The following SYNPR variants were observed in gnomAD, a reference collection of about 807,000 sequenced individuals.
SYNPR encodes synaptoporin.
Under a neutral mutation model 32.9 loss-of-function variants are expected in SYNPR, and 23 were observed. The observed-to-expected ratio is 0.70, with a 90% CI of 0.50 to 0.99. The LOEUF is 0.99. Ranked by LOEUF, SYNPR falls within the 50% of genes least tolerant of loss-of-function variation. The probability of loss-of-function intolerance (pLI) is 0.00; values close to 1 mark genes in which losing one functional copy is unlikely to be tolerated. For missense variants in SYNPR, 318 were observed against 349.3 expected (o/e 0.91, Z 0.71); for synonymous variants, 146 against 135.9 (o/e 1.07, Z -0.52).
chr3:63,311,817 A>G (rs889947000), intron 2 of SYNPR, among the ~76,000 whole-genome samples: 5 of 152,194 alleles, frequency 3.3e-5, no homozygotes, highest in Admixed American at 1.3e-4. Flanking sequence ...CATATTAAAC[A>G]TAGTCTTCTA....
At chr3:63,235,549 T>C (rs764091187) in intron 1 of SYNPR, among the ~76,000 whole-genome samples, 15 of 152,166 alleles carry the variant, frequency 9.9e-5, no homozygotes, top group Non-Finnish European at 1.9e-4. Context: ...GATTTGGTCT[T>C]GAGGGGACTC....
the SYNPR span, among the ~76,000 whole-genome samples, chr3:63,210,430 C>A: frequency 2.5e-4 from 38 of 152,354 alleles, 1 homozygote; most frequent in African/African-American, 8.9e-4. Context: ...TGATTTTACA[C>A]AGGACTCTCC....
At chr3:63,467,988 T>C (rs1575659999) in intron 2 of SYNPR, among the ~76,000 whole-genome samples, 1 of 151,130 alleles carries the variant, frequency 6.6e-6, no homozygotes, top group South Asian at 2.1e-4. Context: ...TCACCTGAGG[T>C]TGGGAGTTTG....
intron 2 of SYNPR, among the ~76,000 whole-genome samples, chr3:63,312,224 C>A (rs940499639): frequency 6.6e-6 from 1 of 151,994 alleles, no homozygotes; most frequent in Non-Finnish European, 1.5e-5. Flanking sequence ...TTCTAGACAT[C>A]CCTTTTTGCC....
chr3:63,309,972 G>C (rs2106951610), intron 2 of SYNPR, among the ~76,000 whole-genome samples: 1 of 151,938 alleles, frequency 6.6e-6, no homozygotes, highest in Non-Finnish European at 1.5e-5. Context: ...ACAACAGACT[G>C]TATTTAAAGC....
At chr3:63,453,533 G>A (rs1562859) in intron 2 of SYNPR, among the ~76,000 whole-genome samples, 51,519 of 152,014 alleles carry the variant, frequency 0.34, 9,971 homozygotes, top group African/African-American at 0.53. Context: ...TGAGAATTGA[G>A]TATCTCTCCC....
chr3:63,273,030 A>C (rs955229650), intron 3 of SYNPR, among the ~76,000 whole-genome samples: 3 of 152,156 alleles, frequency 2.0e-5, no homozygotes, highest in African/African-American at 7.2e-5. Flanking sequence ...CTAATGATGA[A>C]AGATAAAAAT....
rs79143809 is a variant in SYNPR at position 63,365,802 on chromosome 3, C to T, written c.84+87060C>T. 8.0e-3 allele frequency among the ~76,000 whole-genome samples: 1,225 copies of T among 152,174 alleles called. 23 individuals are homozygous for T. The highest frequency in any genetic ancestry group is 0.027 in the African/African-American group (1,137 of 41,522). ...GTGTGTAAAATGGGATAGACAAAAACATTCTTTTATTACATTTTCTATTCA... is the reference window on the plus strand; with the variant it reads ...GTGTGTAAAATGGGATAGACAAAAATATTCTTTTATTACATTTTCTATTCA... On this transcript the variant is annotated intron_variant, in intron 2 of 5. Transcript: ENST00000478300.
intron 2 of SYNPR, among the ~76,000 whole-genome samples, chr3:63,369,318 C>T (rs768704956): frequency 8.2e-5 from 12 of 146,932 alleles, no homozygotes; most frequent in Non-Finnish European, 1.5e-4. Context: ...GTTCTGTTGT[C>T]AAAATCATTT....
At position 63,361,014 on chromosome 3, in the gene SYNPR, C is replaced by T. The variant is rs549242569; in HGVS notation, c.84+82272C>T. Among the ~76,000 whole-genome samples the T allele has an allele frequency of 7.5e-4, 114 of 152,220 alleles. 4 individuals carry two copies. The South Asian group carries it at 0.023, about 30-fold the overall frequency. ...TGGCTTCCTGCACGTAATGGACAATCGATAAATATCGGAATAAATTAATGA... is the reference window on the plus strand; with the variant it reads ...TGGCTTCCTGCACGTAATGGACAATTGATAAATATCGGAATAAATTAATGA... On this transcript the variant is annotated intron_variant, in intron 2 of 5. Transcript: ENST00000478300.
At chr3:63,271,111 A>C (rs2086533155) in intron 3 of SYNPR, among the ~76,000 whole-genome samples, 1 of 151,422 alleles carries the variant, frequency 6.6e-6, no homozygotes, top group Non-Finnish European at 1.5e-5. Context: ...TTTCTGGCGA[A>C]GAACCTATGT....
the SYNPR span, among the ~76,000 whole-genome samples, chr3:63,200,662 G>A: frequency 6.6e-6 from 1 of 151,912 alleles, no homozygotes; most frequent in African/African-American, 2.4e-5. Context: ...CAAATACATG[G>A]TGAGATCATG....
chr3:63,364,769 A>G (rs1487421835), intron 2 of SYNPR, among the ~76,000 whole-genome samples: 1 of 152,194 alleles, frequency 6.6e-6, no homozygotes, highest in Non-Finnish European at 1.5e-5. Flanking sequence ...ATGTAAAAAA[A>G]TAGTTGTTTG....
At chr3:63,516,587 C>G (rs1306051660) in intron 3 of SYNPR, among the ~76,000 whole-genome samples, 3 of 152,066 alleles carry the variant, frequency 2.0e-5, no homozygotes, top group Non-Finnish European at 4.4e-5. Flanking sequence ...GAAGTCTCAC[C>G]TTTATTTTAT....
Position 63,615,599 on chromosome 3 carries a change from G to C in SYNPR, c.*118G>C. The C allele has an allele frequency of 7.4e-7, 1 of 1,360,132 alleles. No homozygotes were observed. The highest frequency in any genetic ancestry group is 1.5e-5 in the South Asian group (1 of 65,918). The allele number at this position is 1,360,132 out of a possible 1,614,324, so 84.3% of individuals were successfully genotyped here. A position where few individuals can be genotyped will look rare whatever the true frequency, so the allele number is the denominator to read the frequency against. ...CAGAGAGTATTGAATGTAAATCAGA[G>C]CTCTCTAGTCTTCATTAAGGCAGCA... On this transcript the variant is annotated 3_prime_UTR_variant, in exon 6 of 6. Coordinates refer to ENST00000478300, the MANE Select transcript of SYNPR (RefSeq NM_001130003.2).
chr3:63,262,399 G>T (rs1004482782), intron 2 of SYNPR, among the ~76,000 whole-genome samples: 6 of 152,156 alleles, frequency 3.9e-5, no homozygotes, highest in Admixed American at 1.3e-4. Context: ...GGAGTGGTAG[G>T]GAGAGAAACC....
intron 2 of SYNPR, among the ~76,000 whole-genome samples, chr3:63,466,153 T>C (rs890581021): frequency 6.6e-6 from 1 of 152,196 alleles, no homozygotes; most frequent in Non-Finnish European, 1.5e-5. Context: ...AGTAAGAACA[T>C]GCAGTATTTG....
the SYNPR span, among the ~76,000 whole-genome samples, chr3:63,221,560 T>C: frequency 6.6e-6 from 1 of 152,124 alleles, no homozygotes; most frequent in Admixed American, 6.6e-5. Flanking sequence ...TTGGCCCAGG[T>C]GTCTCCTATG....
chr3:63,450,448 G>A (rs1700358113), intron 2 of SYNPR, among the ~76,000 whole-genome samples: 3 of 152,186 alleles, frequency 2.0e-5, no homozygotes, highest in Admixed American at 6.5e-5. Flanking sequence ...GGTACAAAAG[G>A]AAGATAACAG....
Sources: gnomAD v4.1 joint callset for allele counts (sites outside exome capture counted in the v4.1 genomes callset) on GRCh38, gnomAD v4.1.1 for gene constraint, MANE v1.5 for transcripts, NCBI Gene and HGNC (gene_info 2026-07-23, HGNC 2026-07-21) for gene names.